Variants in SCAPER observed in about 807,000 individuals in gnomAD.
SCAPER encodes S phase cyclin A-associated protein in the endoplasmic reticulum.
A neutral mutation model predicts 182.2 loss-of-function variants in SCAPER; 98 were observed. The ratio of observed to expected loss-of-function variants is 0.54; its 90% CI spans 0.46 to 0.64. The LOEUF is 0.64. Among genes scored for constraint, SCAPER ranks in the 30% least tolerant of loss-of-function variants. The pLI is 0.00. For missense variants in SCAPER, 1,432 were observed against 1,690.0 expected, an observed-to-expected ratio of 0.85 and a Z score of 2.68; for synonymous variants, 605 against 564.6, an observed-to-expected ratio of 1.07 and a Z score of -1.01.
At chr15:76,580,731 A>C (rs1212816695) in intron 22 of SCAPER, among the ~76,000 whole-genome samples, 4 of 152,170 alleles carry the variant, frequency 2.6e-5, no homozygotes, top group African/African-American at 9.6e-5. Context: ...TCAAATAAAA[A>C]ACCTATAGCT....
intron 23 of SCAPER, among the ~76,000 whole-genome samples, chr15:76,533,101 G>T (rs1167202685): frequency 6.6e-6 from 1 of 152,170 alleles, no homozygotes; most frequent in African/African-American, 2.4e-5. Context: ...ATGTTAAACA[G>T]TAAACTGGGA....
At chr15:76,786,155 C>A (rs138878312) in intron 8 of SCAPER, among the ~76,000 whole-genome samples, 1 of 151,908 alleles carries the variant, frequency 6.6e-6, no homozygotes, top group Non-Finnish European at 1.5e-5. Flanking sequence ...GGTGAAACCA[C>A]GTGTCTACTA....
chr15:76,471,439 G>A (rs535678936), intron 24 of SCAPER, 104 bp from the exon 25 acceptor site: 2 of 1,308,914 alleles, frequency 1.5e-6, no homozygotes, highest in Non-Finnish European at 1.0e-6. Context: ...GGCATGAGAT[G>A]GAAGTCACTC....
chr15:76,470,822 T>C (rs1596828610), intron 25 of SCAPER, among the ~76,000 whole-genome samples: 1 of 152,190 alleles, frequency 6.6e-6, no homozygotes, highest in Non-Finnish European at 1.5e-5. Flanking sequence ...CTGACCCTTT[T>C]AACTTAACCT....
chr15:76,376,402 G>C, intron 28 of SCAPER, 91 bp from the exon 29 acceptor site: 1 of 1,356,378 alleles, frequency 7.4e-7, no homozygotes, highest in Non-Finnish European at 9.9e-7. Flanking sequence ...TGTACTTTCT[G>C]CCATGGTGGT....
At chr15:76,431,077 C>T (rs2046829803) in intron 26 of SCAPER, among the ~76,000 whole-genome samples, 1 of 137,592 alleles carries the variant, frequency 7.3e-6, no homozygotes, top group East Asian at 2.0e-4. Context: ...ACATGACTTA[C>T]TCCTCCTTGT....
rs187241823 is a variant in SCAPER, at chr15:76,591,434, C to T, written c.2712-17150G>A. Among the ~76,000 whole-genome samples the T allele has an allele frequency of 8.7e-4, 132 of 152,246 alleles. 1 individual carries two copies. The highest frequency in any genetic ancestry group is 3.4e-3 in the Middle Eastern group (1 of 294). ...ATATGTGGACAACAATAGAGTAATT[C>T]TTGAATATATTACAGAATATTCTTT... On this transcript the variant is annotated intron_variant, in intron 22 of 31. Transcript: ENST00000563290.
chr15:76,713,052 T>G (rs1276215064), intron 17 of SCAPER, among the ~76,000 whole-genome samples: 3 of 152,136 alleles, frequency 2.0e-5, no homozygotes, highest in Non-Finnish European at 2.9e-5. Context: ...TTTTGCCCAT[T>G]CAGTATGATA....
chr15:76,621,910 C>G, intron 21 of SCAPER, 81 bp from the exon 22 acceptor site: 1 of 988,918 alleles, frequency 1.0e-6, no homozygotes, highest in East Asian at 2.6e-5. Context: ...TATTTTTCCC[C>G]TATTAAATAT....
At chr15:76,870,959 A>C (rs1236362182) in intron 2 of SCAPER, among the ~76,000 whole-genome samples, 2 of 152,180 alleles carry the variant, frequency 1.3e-5, no homozygotes, top group African/African-American at 2.4e-5. Context: ...ACAACAACAA[A>C]AAACCTTAGA....
intron 21 of SCAPER, among the ~76,000 whole-genome samples, chr15:76,645,444 C>T (rs1314047364): frequency 6.6e-6 from 1 of 151,908 alleles, no homozygotes; most frequent in Admixed American, 6.6e-5. Context: ...CAGTCATAGA[C>T]TACTTGCATT....
chr15:76,358,255 G>T (rs941740988), intron 29 of SCAPER, among the ~76,000 whole-genome samples: 1 of 152,322 alleles, frequency 6.6e-6, no homozygotes, highest in Non-Finnish European at 1.5e-5. Context: ...AGCTATTCCT[G>T]ATCATTCTCT....
intron 1 of SCAPER, among the ~76,000 whole-genome samples, chr15:76,890,085 T>C (rs1194234084): frequency 6.6e-6 from 1 of 152,060 alleles, no homozygotes; most frequent in Non-Finnish European, 1.5e-5. Context: ...AATAATGAAA[T>C]GAAGGCAGAA....
intron 26 of SCAPER, among the ~76,000 whole-genome samples, chr15:76,426,536 C>T (rs1023684439): frequency 6.6e-6 from 1 of 151,988 alleles, no homozygotes; most frequent in Non-Finnish European, 1.5e-5. Flanking sequence ...CTTGGAACTG[C>T]CCGAGAATTT....
intron 18 of SCAPER, among the ~76,000 whole-genome samples, 196 bp from the exon 19 acceptor site, chr15:76,703,198 T>A (rs1413589347): frequency 6.6e-6 from 1 of 152,200 alleles, no homozygotes; most frequent in East Asian, 1.9e-4. Context: ...TAAAGTGTGC[T>A]CCAGGAGATA....
intron 17 of SCAPER, among the ~76,000 whole-genome samples, chr15:76,719,952 A>C (rs2060113103): frequency 6.6e-6 from 1 of 151,916 alleles, no homozygotes; most frequent in Admixed American, 6.6e-5. Flanking sequence ...ATTACACTTT[A>C]AGTTTTAGGG....
At chr15:76,581,830 C>T (rs1167273823) in intron 22 of SCAPER, among the ~76,000 whole-genome samples, 1 of 152,094 alleles carries the variant, frequency 6.6e-6, no homozygotes, top group Non-Finnish European at 1.5e-5. Flanking sequence ...AGGCAATCTG[C>T]CAGCCACAGC....
intron 5 of SCAPER, among the ~76,000 whole-genome samples, chr15:76,805,579 A>G (rs1352637430): frequency 3.9e-5 from 5 of 127,438 alleles, no homozygotes; most frequent in African/African-American, 1.3e-4. Context: ...TTTTTTTTGG[A>G]GACGGAGTCT....
intron 25 of SCAPER, 97 bp from the exon 26 acceptor site, chr15:76,434,407 A>G (rs935008567): frequency 3.4e-6 from 3 of 890,450 alleles, no homozygotes; most frequent in Admixed American, 2.8e-5. Context: ...AGTAATTTTG[A>G]CAATCTAAAA....
Sources: gnomAD v4.1 joint callset for allele counts (sites outside exome capture counted in the v4.1 genomes callset) on GRCh38, gnomAD v4.1.1 for gene constraint, MANE v1.5 for transcripts, NCBI Gene and HGNC (gene_info 2026-07-23, HGNC 2026-07-21) for gene names.